The following PTOV1 variants were observed in gnomAD, a reference collection of about 807,000 sequenced individuals.
PTOV1 encodes prostate tumor-overexpressed gene 1 protein.
Under a neutral mutation model 58.0 loss-of-function variants are expected in PTOV1, and 20 were observed. The observed-to-expected ratio is 0.34, with a 90% CI of 0.24 to 0.50. PTOV1 has a LOEUF of 0.50. PTOV1 is among the 20% of genes least tolerant of loss of function. PTOV1 has a pLI of 0.98. For synonymous variants in PTOV1, 335 were observed against 234.2 expected (o/e 1.43, Z -3.93); for missense variants, 593 against 565.4 (o/e 1.05, Z -0.50).
intron 5 of PTOV1, chr19:49,855,301 C>G: frequency 1.8e-6 from 1 of 569,000 alleles, no homozygotes; most frequent in Non-Finnish European, 3.2e-6. Flanking sequence ...GCATCTGTGC[C>G]CAGCTTCGAG....
At chr19:49,860,153 G>C in exon 11 of PTOV1, 1 of 1,614,200 alleles carries the variant, frequency 6.2e-7, no homozygotes, top group Non-Finnish European at 8.5e-7. Context: ...TCCTGCAGCG[G>C]AACCTGGAGC....
chr19:49,856,399 G>A (rs1448783051), intron 5 of PTOV1: 1 of 155,972 alleles, frequency 6.4e-6, no homozygotes, highest in Non-Finnish European at 1.4e-5. Context: ...GTGGGGAGGG[G>A]ACATGGGGTT....
At chr19:49,858,416 A>G in intron 9 of PTOV1, 133 bp from the exon 10 acceptor site, 3 of 741,030 alleles carry the variant, frequency 4.0e-6, no homozygotes, top group Non-Finnish European at 4.5e-6. Flanking sequence ...TGAGCGGTGG[A>G]GATGACGTTT....
Position 49,858,048 on chromosome 19 carries a change from G to GC in PTOV1, c.879-5dup, listed in dbSNP as rs1568648338. 6.2e-7 allele frequency: 1 copy of GC among 1,614,086 alleles called. No individual in the cohort carries two copies. The highest frequency in any genetic ancestry group is 1.7e-5 in the Admixed American group (1 of 60,020). On this transcript the variant is annotated splice_polypyrimidine_tract_variant and intron_variant, in intron 8 of 11. Coordinates refer to ENST00000391842, the Ensembl canonical transcript of PTOV1. ...GGCTTCCTGACCCTCGTCCCTTTGT[G>GC]CCCCACAGGAGGACCGAGCAGTGGC...
At chr19:49,860,553 G>C in exon 12 of PTOV1, 2 of 584,442 alleles carry the variant, frequency 3.4e-6, no homozygotes, top group Non-Finnish European at 6.0e-6. Flanking sequence ...TGCTCACAGG[G>C]ATGTGGGGTC....
rs2074399886 is a variant in PTOV1 at position 49,854,969 on chromosome 19, G to A, written c.451-1G>A. 7.3e-7 allele frequency: 1 copy of A among 1,373,662 alleles called. No homozygotes were observed. 85.1% of individuals were successfully genotyped at this position (1,373,662 alleles called of 1,614,324 possible). ...CCAGCTGTCTGTCCTGTCGCCCCCA[G>A]ACCACCCTGGGCCCCCTGTTCCGGA... is the stretch of plus-strand genomic sequence containing the variant. On this transcript the variant is annotated splice_acceptor_variant, in intron 4 of 11. Transcript: ENST00000391842. LOFTEE classifies it high-confidence loss of function.
intron 6 of PTOV1, 176 bp downstream of exon 6, chr19:49,857,306 C>A: frequency 1.1e-6 from 1 of 888,140 alleles, no homozygotes; most frequent in Admixed American, 2.6e-5. Context: ...GAAAAGCGGC[C>A]ACTGGGCGGC....
chr19:49,857,731 G>T (rs2074541584), exon 7 of PTOV1: 1 of 1,614,180 alleles, frequency 6.2e-7, no homozygotes, highest in African/African-American at 1.3e-5. Flanking sequence ...GCCCAGTCCA[G>T]ATCGTCAACA....
chr19:49,854,976 C>A (rs777620576), exon 5 of PTOV1: 2 of 1,599,574 alleles, frequency 1.3e-6, no homozygotes, highest in Non-Finnish European at 1.7e-6. Flanking sequence ...CCAGACCACC[C>A]TGGGCCCCCT....
At chr19:49,855,217 G>C in intron 5 of PTOV1, 140 bp downstream of exon 5, 2 of 758,734 alleles carry the variant, frequency 2.6e-6, no homozygotes, top group Non-Finnish European at 4.4e-6. Context: ...GACCCCATCT[G>C]GAAATGACTG....
At chr19:49,858,751 G>A in intron 10 of PTOV1, 98 bp downstream of exon 10, 1 of 1,034,202 alleles carries the variant, frequency 9.7e-7, no homozygotes. Flanking sequence ...AGAGCACCAT[G>A]TCCCAGACCA....
exon 1 of PTOV1, chr19:49,851,471 G>A: frequency 8.2e-7 from 1 of 1,220,612 alleles, no homozygotes; most frequent in Non-Finnish European, 1.0e-6. Context: ...CAGCCTCCGC[G>A]GATCCGGGCC....
intron 5 of PTOV1, chr19:49,855,527 G>A (rs2074425116): frequency 4.8e-6 from 1 of 210,040 alleles, no homozygotes; most frequent in Non-Finnish European, 9.9e-6. Context: ...TGAGGGAGCA[G>A]AGCTGAGGGT....
chr19:49,859,650 C>A (rs1036532536), intron 10 of PTOV1, among the ~76,000 whole-genome samples: 1 of 152,184 alleles, frequency 6.6e-6, no homozygotes, highest in South Asian at 2.1e-4. Context: ...CTGGGCCGGC[C>A]GCTGCAGATC....
At chr19:49,857,761 T>G in exon 7 of PTOV1, 1 of 1,613,590 alleles carries the variant, frequency 6.2e-7, no homozygotes, top group South Asian at 1.1e-5. Context: ...TGGCATGGAG[T>G]GGTGTCATGG....
exon 12 of PTOV1, chr19:49,860,706 C>T (rs1308551872): frequency 2.0e-5 from 7 of 343,026 alleles, no homozygotes; most frequent in Non-Finnish European, 3.8e-5. Context: ...GGTCCCCACC[C>T]CTCTACGTTT....
rs892020351 is a variant in PTOV1 at position 49,858,799 on chromosome 19, T to TG, written c.1041+151dup. The TG allele has an allele frequency of 1.5e-5, 10 of 687,342 alleles. No homozygotes were observed. In the African/African-American group the frequency reaches 1.8e-4, roughly 12 times the overall value. 42.6% of individuals were successfully genotyped at this position (687,342 alleles called of 1,614,324 possible). Reference sequence around the variant, plus strand: ...GGGTGGCTAGTGTGGGCGTGACTTCTGGGGGCTCTGTGCTGTCCCCACGGC... The same window carrying TG: ...GGGTGGCTAGTGTGGGCGTGACTTCTGGGGGGCTCTGTGCTGTCCCCACGGC... On this transcript the variant is annotated intron_variant, in intron 10 of 11. Coordinates refer to ENST00000391842, the Ensembl canonical transcript of PTOV1.
chr19:49,857,207 G>A (rs1323479454), intron 6 of PTOV1, 77 bp downstream of exon 6: 1 of 1,562,658 alleles, frequency 6.4e-7, no homozygotes, highest in Non-Finnish European at 8.8e-7. Context: ...AGCCAGACTT[G>A]GTGTGGGCGG....
chr19:49,857,617 A>G, intron 6 of PTOV1, 76 bp from the exon 7 acceptor site: 2 of 1,374,576 alleles, frequency 1.5e-6, no homozygotes, highest in Non-Finnish European at 2.0e-6. Context: ...GGAGGGAGGG[A>G]TGGCAGGCCC....
Sources: gnomAD v4.1 joint callset for allele counts (sites outside exome capture counted in the v4.1 genomes callset) on GRCh38, gnomAD v4.1.1 for gene constraint, MANE v1.5 for transcripts, NCBI Gene and HGNC (gene_info 2026-07-23, HGNC 2026-07-21) for gene names.